Variants in SPOCK3 observed in about 807,000 individuals in gnomAD.
SPOCK3 encodes SPARC (osteonectin), cwcv and kazal like domains proteoglycan 3.
Under a neutral mutation model 56.6 loss-of-function variants are expected in SPOCK3, and 30 were observed. The ratio of observed to expected loss-of-function variants is 0.53; its 90% CI spans 0.40 to 0.72. The LOEUF (loss-of-function observed/expected upper bound fraction) is 0.72, where lower values mean the gene tolerates loss of function less well. SPOCK3 is among the 30% of genes least tolerant of loss of function. The probability of loss-of-function intolerance (pLI) is 0.00; values close to 1 mark genes in which losing one functional copy is unlikely to be tolerated. For missense variants in SPOCK3, 527 were observed against 530.0 expected (o/e 0.99, Z 0.06); for synonymous variants, 196 against 183.3 (o/e 1.07, Z -0.56).
chr4:166,880,976 T>G (rs1733623497), intron 6 of SPOCK3, among the ~76,000 whole-genome samples: 1 of 152,184 alleles, frequency 6.6e-6, no homozygotes, highest in Non-Finnish European at 1.5e-5. Context: ...TTGCTAAATA[T>G]ATTACATCTT....
chr4:167,080,878 C>CTTTTT (rs766090610), intron 2 of SPOCK3, among the ~76,000 whole-genome samples: 46 of 129,000 alleles, frequency 3.6e-4, no homozygotes, highest in African/African-American at 4.7e-4. Flanking sequence ...CTCTTTCTTT[C>CTTTTT]TTTTTTTTTT....
In SPOCK3 at chr4:166,733,623, A is replaced by G. The variant is rs1442954718; in HGVS notation, c.*1298T>C. ...AGGTTTTTCCATTTTTATTATGGGC[A>G]CAAAACCATTGGTATGATATAGTTA... On this transcript the variant is annotated 3_prime_UTR_variant, in exon 11 of 11. Coordinates refer to ENST00000357545, the MANE Select transcript of SPOCK3 (RefSeq NM_001040159.2). 5 of 152,156 alleles carry G rather than the reference A, an allele frequency of 3.3e-5. No individual in the cohort carries two copies. The Admixed American group carries it at 3.3e-4, about 10-fold the overall frequency. The allele number at this position is 152,156 out of a possible 1,614,324, so 9.4% of individuals were successfully genotyped here. A position where few individuals can be genotyped will look rare whatever the true frequency, so the allele number is the denominator to read the frequency against.
At chr4:166,997,189 G>A (rs932980432) in intron 4 of SPOCK3, among the ~76,000 whole-genome samples, 26 of 152,072 alleles carry the variant, frequency 1.7e-4, no homozygotes, top group Non-Finnish European at 3.8e-4. Flanking sequence ...AGAGCATCAA[G>A]GTAAACAGAT....
chr4:167,162,906 A>T (rs990058781), intron 2 of SPOCK3, among the ~76,000 whole-genome samples: 3 of 152,008 alleles, frequency 2.0e-5, no homozygotes, highest in African/African-American at 7.2e-5. Flanking sequence ...AAGAGATTAC[A>T]GGTGAACTCA....
intron 2 of SPOCK3, among the ~76,000 whole-genome samples, chr4:167,092,753 G>A (rs1484156270): frequency 6.6e-6 from 1 of 152,062 alleles, no homozygotes; most frequent in African/African-American, 2.4e-5. Flanking sequence ...GCTGTAAAAT[G>A]TCCAACAGTG....
intron 6 of SPOCK3, among the ~76,000 whole-genome samples, chr4:166,872,263 T>C (rs1015190932): frequency 6.6e-6 from 1 of 152,094 alleles, no homozygotes; most frequent in African/African-American, 2.4e-5. Flanking sequence ...ATATAGGATA[T>C]AGAGAAATAA....
intron 9 of SPOCK3, among the ~76,000 whole-genome samples, 156 bp downstream of exon 9, chr4:166,741,841 A>G (rs1734872688): frequency 6.6e-6 from 1 of 152,164 alleles, no homozygotes; most frequent in Admixed American, 6.6e-5. Context: ...TAAGGTAATA[A>G]AAGTAAGTTT....
At chr4:167,069,052 T>C (rs574678486) in intron 2 of SPOCK3, among the ~76,000 whole-genome samples, 2 of 152,094 alleles carry the variant, frequency 1.3e-5, no homozygotes, top group South Asian at 4.1e-4. Flanking sequence ...TTCTGTTGTA[T>C]AGGCATAGAT....
chr4:167,068,780 G>A (rs984463554), intron 2 of SPOCK3, among the ~76,000 whole-genome samples: 3 of 151,862 alleles, frequency 2.0e-5, no homozygotes, highest in South Asian at 4.1e-4. Flanking sequence ...GTGGTACACA[G>A]CTTGTGACTT....
chr4:166,788,567 T>G (rs1400514549), intron 7 of SPOCK3, among the ~76,000 whole-genome samples: 1 of 151,814 alleles, frequency 6.6e-6, no homozygotes, highest in Non-Finnish European at 1.5e-5. Flanking sequence ...AGTATATGAA[T>G]ATTAAAAATG....
chr4:167,056,796 A>G (rs571872217), intron 3 of SPOCK3, among the ~76,000 whole-genome samples: 1 of 152,370 alleles, frequency 6.6e-6, no homozygotes, highest in East Asian at 1.9e-4. Context: ...TGAAAAGACC[A>G]AATCTACGCC....
intron 7 of SPOCK3, among the ~76,000 whole-genome samples, chr4:166,762,436 C>T (rs532296081): frequency 1.6e-4 from 25 of 152,162 alleles, no homozygotes; most frequent in South Asian, 6.2e-4. Flanking sequence ...CCATATCATT[C>T]CAAAATGAAT....
intron 2 of SPOCK3, among the ~76,000 whole-genome samples, chr4:167,228,290 CAT>C (rs1736801286): frequency 6.6e-6 from 1 of 152,194 alleles, no homozygotes; most frequent in Admixed American, 6.5e-5. Flanking sequence ...TACATATAAA[CAT>C]ATACAACATA....
At chr4:166,923,500 T>A (rs1323473231) in intron 4 of SPOCK3, among the ~76,000 whole-genome samples, 2 of 152,226 alleles carry the variant, frequency 1.3e-5, no homozygotes, top group Non-Finnish European at 2.9e-5. Flanking sequence ...ATGGAGTCCC[T>A]AGTTTGGAGA....
intron 2 of SPOCK3, among the ~76,000 whole-genome samples, chr4:167,120,728 A>G (rs1761793739): frequency 6.6e-6 from 1 of 152,086 alleles, no homozygotes; most frequent in African/African-American, 2.4e-5. Flanking sequence ...TTACATGATT[A>G]TAACTTCATT....
chr4:167,042,936 G>T (rs975048468), intron 3 of SPOCK3, among the ~76,000 whole-genome samples: 20 of 152,254 alleles, frequency 1.3e-4, no homozygotes, highest in African/African-American at 4.8e-4. Flanking sequence ...ACTGGCAGCA[G>T]ATTATCCTGT....
chr4:167,211,499 C>T (rs34855078), intron 2 of SPOCK3, among the ~76,000 whole-genome samples: 4,752 of 152,166 alleles, frequency 0.031, 115 homozygotes, highest in Middle Eastern at 0.075. Flanking sequence ...CTTGAATTCC[C>T]ATGTGATGTG....
chr4:167,144,715 A>C (rs895748376), intron 2 of SPOCK3, among the ~76,000 whole-genome samples: 12 of 120,412 alleles, frequency 1.0e-4, no homozygotes, highest in Non-Finnish European at 2.1e-4. Flanking sequence ...AGCCATGCAG[A>C]TATCTAGGAA....
intron 7 of SPOCK3, among the ~76,000 whole-genome samples, chr4:166,781,089 C>A (rs1402717755): frequency 6.6e-6 from 1 of 152,096 alleles, no homozygotes; most frequent in Non-Finnish European, 1.5e-5. Context: ...ATCACTAATT[C>A]CAGGCACAAA....
Sources: allele counts gnomAD v4.1 joint callset (sites outside exome capture counted in the v4.1 genomes callset), GRCh38; gene constraint gnomAD v4.1.1; transcripts MANE v1.5; gene names NCBI Gene and HGNC (gene_info 2026-07-23, HGNC 2026-07-21).